The following EPB41L2 variants were observed in gnomAD, a reference collection of about 807,000 sequenced individuals.
The protein encoded by EPB41L2 is erythrocyte membrane protein band 4.1 like 2.
EPB41L2 carries 43 observed loss-of-function variants against 113.0 expected under a neutral mutation model. The ratio of observed to expected loss-of-function variants is 0.38; its 90% confidence interval spans 0.30 to 0.49. The LOEUF (loss-of-function observed/expected upper bound fraction) is 0.49. EPB41L2 is among the 20% of genes least tolerant of loss of function. The pLI, the probability that EPB41L2 is intolerant of heterozygous loss-of-function variation, is 0.95. For missense variants in EPB41L2, 1,147 were observed against 1,223.4 expected, an observed-to-expected ratio of 0.94 and a Z score of 0.93; for synonymous variants, 442 against 436.7, an observed-to-expected ratio of 1.01 and a Z score of -0.15.
chr6:131,013,493 A>G (rs560719146), intron 1 of EPB41L2: 1 of 152,334 alleles, frequency 6.6e-6, no homozygotes, highest in South Asian at 2.1e-4. Flanking sequence ...TTGAGATTAA[A>G]AATTCACTTT....
chr6:130,939,988 G>A (rs1348704646), intron 3 of EPB41L2, among the ~76,000 whole-genome samples: 2 of 151,162 alleles, frequency 1.3e-5, no homozygotes, highest in Admixed American at 1.3e-4. Flanking sequence ...ATGTTACTGT[G>A]TACATATGCA....
intron 1 of EPB41L2, among the ~76,000 whole-genome samples, chr6:131,033,030 C>T (rs969356941): frequency 6.6e-6 from 1 of 152,038 alleles, no homozygotes; most frequent in Non-Finnish European, 1.5e-5. Context: ...CGCTTGCCAC[C>T]ACACCTGGCT....
intron 19 of EPB41L2, among the ~76,000 whole-genome samples, chr6:130,847,600 T>A (rs1777422993): frequency 6.6e-6 from 1 of 152,234 alleles, no homozygotes; most frequent in Non-Finnish European, 1.5e-5. Flanking sequence ...ATTACTCTCA[T>A]CTGCCAATTT....
At chr6:130,858,085 A>G (rs1283019759) in intron 19 of EPB41L2, 46 bp downstream of exon 19, 1 of 1,386,742 alleles carries the variant, frequency 7.2e-7, no homozygotes, top group African/African-American at 1.4e-5. Flanking sequence ...GTTCAGGAGT[A>G]CAGAGCAGTC....
chr6:131,023,740 TATATATCTATATATAG>T lies in EPB41L2; in HGVS notation c.-15+39399_-15+39414del, dbSNP rs200686678. Among the ~76,000 whole-genome samples, 10 of 21,938 alleles carry T rather than the reference TATATATCTATATATAG, an allele frequency of 4.6e-4. No individual in the cohort carries two copies. The East Asian group carries it at 7.9e-3, about 17-fold the overall frequency. 14.4% of individuals were successfully genotyped at this position (21,938 alleles called of 152,430 possible). A position where few individuals can be genotyped will look rare whatever the true frequency, so the allele number is the denominator to read the frequency against. On this transcript the variant is annotated intron_variant, in intron 1 of 19. Coordinates refer to ENST00000337057, the MANE Select transcript of EPB41L2 (RefSeq NM_001431.4). ...GTGTGTGTGTGTGTGTATATATATC[TATATATCTATATATAG>T]ATATATAGATATATAGATATATAGA...
At chr6:130,976,752 C>G (rs1408398357) in intron 1 of EPB41L2, among the ~76,000 whole-genome samples, 1 of 152,194 alleles carries the variant, frequency 6.6e-6, no homozygotes, top group African/African-American at 2.4e-5. Context: ...TTTTAAATTA[C>G]ACAATCAGAC....
rs201343428 is a variant in EPB41L2 at position 130,990,827 on chromosome 6, ATT to A, written c.-14-34330_-14-34329del. 9.9e-3 allele frequency among the ~76,000 whole-genome samples: 1,358 copies of A among 136,826 alleles called. 10 individuals carry two copies. Among genetic ancestry groups the A allele is most frequent in the South Asian group, 0.021 (91 of 4,268 alleles). The allele number at this position is 136,826 out of a possible 152,430, so 89.8% of individuals were successfully genotyped here. On this transcript the variant is annotated intron_variant, in intron 1 of 19. Coordinates refer to ENST00000337057, the MANE Select transcript of EPB41L2 (RefSeq NM_001431.4). Reference sequence around the variant, plus strand: ...TATAACCTTATTAACTATACAGGTAATTTTTTTTTTTTTTTTTGAGGTGGAGT... The same window carrying A: ...TATAACCTTATTAACTATACAGGTAATTTTTTTTTTTTTTTGAGGTGGAGT...
At chr6:130,877,324 A>T (rs1221953951) in intron 14 of EPB41L2, among the ~76,000 whole-genome samples, 1 of 152,228 alleles carries the variant, frequency 6.6e-6, no homozygotes, top group African/African-American at 2.4e-5. Flanking sequence ...CTACAGATTA[A>T]ATATAGTATG....
chr6:130,927,679 G>A (rs1362265985), intron 3 of EPB41L2, among the ~76,000 whole-genome samples: 1 of 152,206 alleles, frequency 6.6e-6, no homozygotes, highest in Admixed American at 6.5e-5. Context: ...TCTTGAGGAG[G>A]AGAATCTGGT....
intron 4 of EPB41L2, among the ~76,000 whole-genome samples, chr6:130,916,657 C>A (rs116826683): frequency 4.0e-5 from 6 of 148,534 alleles, no homozygotes; most frequent in Non-Finnish European, 8.8e-5. Flanking sequence ...TCCTGTAATG[C>A]TCTCTGCTAC....
In EPB41L2 at chr6:130,937,226, T is replaced by A. The variant is rs1264712507; in HGVS notation, c.706-10517A>T. Among the ~76,000 whole-genome samples, 4 of 152,202 alleles carry A rather than the reference T, an allele frequency of 2.6e-5. No homozygotes were observed. The East Asian group carries it at 7.7e-4, about 29-fold the overall frequency. ...TTGGACAAATGTACAATGACACGTA[T>A]CCACGATGTATTATAGCATCATACA... On this transcript the variant is annotated intron_variant, in intron 3 of 19. Transcript: ENST00000337057.
intron 1 of EPB41L2, among the ~76,000 whole-genome samples, chr6:131,039,780 GA>G (rs1794078556): frequency 6.6e-6 from 1 of 150,988 alleles, no homozygotes; most frequent in South Asian, 2.1e-4. Flanking sequence ...GTAATTGACT[GA>G]AACACTGAAT....
chr6:130,865,401 A>T, intron 17 of EPB41L2, 135 bp downstream of exon 17: 1 of 858,658 alleles, frequency 1.2e-6, no homozygotes, highest in Non-Finnish European at 1.7e-6. Flanking sequence ...TGGATACTTT[A>T]AACCAAGGCA....
At chr6:130,939,300 C>G (rs1257647214) in intron 3 of EPB41L2, among the ~76,000 whole-genome samples, 1 of 151,890 alleles carries the variant, frequency 6.6e-6, no homozygotes, top group African/African-American at 2.4e-5. Context: ...ATCACCCAGG[C>G]TGGAGTGCAG....
intron 4 of EPB41L2, among the ~76,000 whole-genome samples, chr6:130,922,323 T>C (rs1803123948): frequency 6.6e-6 from 1 of 152,196 alleles, no homozygotes; most frequent in Admixed American, 6.5e-5. Flanking sequence ...CAACACACTA[T>C]GTTTAAAGTC....
At chr6:130,865,902 T>C in intron 16 of EPB41L2, 1 of 346,762 alleles carries the variant, frequency 2.9e-6, no homozygotes, top group Non-Finnish European at 5.2e-6. Context: ...TACAAGGGAA[T>C]TATGACAGAA....
chr6:130,841,399 TTTC>T (rs1208607315), intron 19 of EPB41L2, among the ~76,000 whole-genome samples: 7 of 152,236 alleles, frequency 4.6e-5, no homozygotes, highest in Admixed American at 4.6e-4. Flanking sequence ...GTTGGGATCG[TTTC>T]TTCTTTGGTT....
In EPB41L2 at chr6:130,869,854, C is replaced by G; in HGVS notation, c.2316G>C (p.Glu772Asp). ...GTTCTTCCTCCACCTCTTCTTCATACTCCTGTTCCTCCCTGATGGTGCCCT... is the reference window on the plus strand; with the variant it reads ...GTTCTTCCTCCACCTCTTCTTCATAGTCCTGTTCCTCCCTGATGGTGCCCT... ...VTEGTIREEQ[E>D]YEEEVEEEPR... is the part of the protein sequence containing the mutation. The change falls in exon 15 of 20, where the codon GAG (glutamate) becomes GAC (aspartate). Residue 772 changes from glutamate (E) to aspartate (D), a missense_variant. Physicochemically the swap from Glu to Asp is conservative, Grantham distance 45. Coordinates refer to ENST00000337057, the MANE Select transcript of EPB41L2 (RefSeq NM_001431.4). The G allele has an allele frequency of 1.2e-6, 2 of 1,613,674 alleles. No individual in the cohort carries two copies. The highest frequency in any genetic ancestry group is 1.7e-6 in the Non-Finnish European group (2 of 1,179,998).
At chr6:130,939,100 A>G (rs1216385857) in intron 3 of EPB41L2, among the ~76,000 whole-genome samples, 1 of 152,156 alleles carries the variant, frequency 6.6e-6, no homozygotes, top group African/African-American at 2.4e-5. Flanking sequence ...ACAGGCTCCA[A>G]CCAGGGGCAG....
Sources: allele counts gnomAD v4.1 joint callset (sites outside exome capture counted in the v4.1 genomes callset), GRCh38; gene constraint gnomAD v4.1.1; transcripts MANE v1.5; gene names NCBI Gene and HGNC (gene_info 2026-07-23, HGNC 2026-07-21).